IGLON5: variants seen among roughly 807,000 people sequenced by gnomAD.
The protein encoded by IGLON5 is Ig-like domain-containing protein ENSP00000270642.
In IGLON5, 16 loss-of-function variants were observed where a neutral mutation model predicts 38.2. That is an observed-to-expected ratio of 0.42 (90% CI 0.28 to 0.64). IGLON5 has a LOEUF of 0.64. Ranked by LOEUF, IGLON5 falls within the 30% of genes least tolerant of loss-of-function variation. IGLON5 has a pLI of 0.23. For synonymous variants in IGLON5, 207 were observed against 216.4 expected (o/e 0.96, Z 0.38); for missense variants, 366 against 483.4 (o/e 0.76, Z 2.28).
intron 1 of IGLON5, among the ~76,000 whole-genome samples, chr19:51,321,640 ATG>A (rs1474270882): frequency 6.6e-6 from 1 of 152,098 alleles, no homozygotes; most frequent in Non-Finnish European, 1.5e-5. Flanking sequence ...GTTTGTACAT[ATG>A]TCTCTGTATA....
chr19:51,313,864 G>A (rs1599821625), intron 1 of IGLON5, among the ~76,000 whole-genome samples: 1 of 151,892 alleles, frequency 6.6e-6, no homozygotes, highest in East Asian at 1.9e-4. Flanking sequence ...TGGGACCACA[G>A]ATGCACGCCA....
rs1429101892 is a variant in IGLON5 at position 51,323,652 on chromosome 19, C to T, written c.159-10C>T. 6 of 1,599,006 alleles carry T rather than the reference C, an allele frequency of 3.8e-6. No homozygotes were observed. The highest frequency in any genetic ancestry group is 5.1e-6 in the Non-Finnish European group (6 of 1,168,474). On this transcript the variant is annotated splice_polypyrimidine_tract_variant and intron_variant, in intron 2 of 7. Transcript: ENST00000270642. ...GTGGAGAAAAACCTTCCCACTCATT[C>T]TCCCTGCAGCTGCTTCATCGACGAG...
chr19:51,314,231 T>C (rs1984858143), intron 1 of IGLON5, among the ~76,000 whole-genome samples: 1 of 147,670 alleles, frequency 6.8e-6, no homozygotes, highest in Non-Finnish European at 1.5e-5. Flanking sequence ...GCTGCCAGGC[T>C]GGAGTGTAGT....
rs763452023 is a variant in IGLON5, at chr19:51,325,374, G to A, written c.420G>A (p.Ser140=). 45 of 1,613,746 alleles carry A rather than the reference G, an allele frequency of 2.8e-5. No homozygotes were observed. The highest frequency in any genetic ancestry group is 3.3e-4 in the Middle Eastern group (2 of 6,082). ...CTGCCCGCATTGTGAACATCTCGTC[G>A]CCTGTGACGGTGAATGAGGGGGGCA... ...HVPARIVNIS[S]PVTVNEGGNV... Residue 140 remains serine, a synonymous_variant, in exon 4 of 8, where the codon TCG becomes TCA. Transcript: ENST00000270642. This position sits in a 1 kb window ranked among gnomAD's most constrained non-coding sequence, Gnocchi z 5.5.
At position 51,325,313 on chromosome 19, in the gene IGLON5, G is replaced by A. The variant is rs766849978; in HGVS notation, c.392-33G>A. Reference sequence around the variant, plus strand: ...AAGGGCTGGGGGCCTGGATTCCTGGGCATCCATATTCAGCCTCTGCCGCTG... The same window carrying A: ...AAGGGCTGGGGGCCTGGATTCCTGGACATCCATATTCAGCCTCTGCCGCTG... On this transcript the variant is annotated intron_variant, in intron 3 of 7. Transcript: ENST00000270642. The surrounding 1 kb of genome is among the most constrained non-coding windows in gnomAD (Gnocchi z 5.5). 2 of 1,605,814 alleles carry A rather than the reference G, an allele frequency of 1.2e-6. No homozygotes were observed. Among genetic ancestry groups the A allele is most frequent in the Admixed American group, 1.7e-5 (1 of 58,594 alleles).
At chr19:51,319,259 C>T (rs1004684681) in intron 1 of IGLON5, among the ~76,000 whole-genome samples, 3 of 152,054 alleles carry the variant, frequency 2.0e-5, no homozygotes, top group Admixed American at 6.5e-5. Flanking sequence ...ACCCGTCGTT[C>T]GGTCCAGGTT....
chr19:51,316,798 C>G (rs1205796886), intron 1 of IGLON5, among the ~76,000 whole-genome samples: 1 of 152,100 alleles, frequency 6.6e-6, no homozygotes, highest in East Asian at 1.9e-4. Flanking sequence ...CCAGCCAACC[C>G]TCAGAACTCT....
chr19:51,315,409 G>C (rs1252191225), intron 1 of IGLON5, among the ~76,000 whole-genome samples: 1 of 152,166 alleles, frequency 6.6e-6, no homozygotes, highest in East Asian at 1.9e-4. Flanking sequence ...AAATGTTCTT[G>C]GGGACCAGGG....
intron 4 of IGLON5, 65 bp from the exon 5 acceptor site, chr19:51,326,688 TCCGTGTTGTGC>T (rs1473321915): frequency 1.9e-5 from 20 of 1,039,142 alleles, no homozygotes; most frequent in Non-Finnish European, 2.5e-5. Context: ...CTGATGTGTG[TCCGTGTTGTGC>T]CCGTGTTGTC....
Position 51,318,848 on chromosome 19 carries a change from G to C in IGLON5, c.80-3216G>C, listed in dbSNP as rs114172177. On this transcript the variant is annotated intron_variant, in intron 1 of 7. Coordinates refer to ENST00000270642, the MANE Select transcript of IGLON5 (RefSeq NM_001101372.3). Reference sequence around the variant, plus strand: ...AGCAGCTGAGTTCAGGAGCCCTGGAGCCCCTGAACCTTAGGGTAGGCACCT... The same window carrying C: ...AGCAGCTGAGTTCAGGAGCCCTGGACCCCCTGAACCTTAGGGTAGGCACCT... 5.8e-3 allele frequency among the ~76,000 whole-genome samples: 879 copies of C among 152,338 alleles called. 7 individuals carry two copies. Among genetic ancestry groups the C allele is most frequent in the African/African-American group, 0.02 (840 of 41,582 alleles).
Position 51,327,740 on chromosome 19 carries a change from G to A in IGLON5, c.776G>A (p.Ser259Asn). 1 of 1,573,930 alleles carries A rather than the reference G, an allele frequency of 6.4e-7. No homozygotes were observed. Among genetic ancestry groups the A allele is most frequent in the Non-Finnish European group, 8.6e-7 (1 of 1,163,112 alleles). The change falls in exon 7 of 8, where the codon AGC becomes AAC. Residue 259 changes from serine to asparagine, a missense_variant. Ser to Asn is a conservative substitution (Grantham distance 46). Coordinates refer to ENST00000270642, the MANE Select transcript of IGLON5 (RefSeq NM_001101372.3). This position sits in a 1 kb window ranked among gnomAD's most constrained non-coding sequence, Gnocchi z 7.1. Reference sequence around the variant, plus strand: ...ACCCGGATCCCTGGCAGGCTGAGCAGCGGCACGGCCGAAGGCCTGAAGGTG... The same window carrying A: ...ACCCGGATCCCTGGCAGGCTGAGCAACGGCACGGCCGAAGGCCTGAAGGTG... ...QWYKDDRLLS[S>N]GTAEGLKVQT...
intron 1 of IGLON5, among the ~76,000 whole-genome samples, chr19:51,314,337 C>A (rs1268114699): frequency 6.6e-6 from 1 of 152,142 alleles, no homozygotes; most frequent in African/African-American, 2.4e-5. Context: ...GTGTGTGCCA[C>A]CACGCTGGGC....
intron 4 of IGLON5, 22 bp from the exon 5 acceptor site, chr19:51,326,742 C>T: frequency 6.6e-7 from 1 of 1,518,728 alleles, no homozygotes; most frequent in South Asian, 1.2e-5. Flanking sequence ...GCCCCGCCCC[C>T]TCCTCCTCCT....
intron 1 of IGLON5, among the ~76,000 whole-genome samples, chr19:51,320,585 C>T (rs1441224774): frequency 2.0e-5 from 3 of 152,146 alleles, no homozygotes; most frequent in African/African-American, 4.8e-5. Context: ...CTGAAGTGTG[C>T]GAGTGGGCAT....
In IGLON5 at chr19:51,324,030, G is replaced by A; in HGVS notation, c.391+136G>A. ...AGACAGACACAGCCTTGCCCTTGGGGATTTCAGCCCAGCAGAAGGGGGCCA... is the reference window on the plus strand; with the variant it reads ...AGACAGACACAGCCTTGCCCTTGGGAATTTCAGCCCAGCAGAAGGGGGCCA... On this transcript the variant is annotated intron_variant, in intron 3 of 7. Coordinates refer to ENST00000270642, the MANE Select transcript of IGLON5 (RefSeq NM_001101372.3). The surrounding 1 kb of genome is among the most constrained non-coding windows in gnomAD (Gnocchi z 4.2). 1.6e-6 allele frequency: 1 copy of A among 641,076 alleles called. No homozygotes were observed. The highest frequency in any genetic ancestry group is 2.7e-6 in the Non-Finnish European group (1 of 374,320). The allele number at this position is 641,076 out of a possible 1,614,324, so 39.7% of individuals were successfully genotyped here.
At chr19:51,321,830 A>G (rs897883774) in intron 1 of IGLON5, among the ~76,000 whole-genome samples, 18 of 152,030 alleles carry the variant, frequency 1.2e-4, no homozygotes, top group African/African-American at 4.3e-4. Flanking sequence ...GTCTGCTGTG[A>G]TTGTGTCTGC....
At chr19:51,316,099 A>C (rs1399004471) in intron 1 of IGLON5, among the ~76,000 whole-genome samples, 1 of 151,476 alleles carries the variant, frequency 6.6e-6, no homozygotes, top group African/African-American at 2.4e-5. Context: ...TAATCCCAGC[A>C]CTTCAGGAAG....
intron 2 of IGLON5, among the ~76,000 whole-genome samples, chr19:51,322,573 CCTCTCT>C (rs372781205): frequency 5.2e-5 from 7 of 133,336 alleles, no homozygotes; most frequent in Admixed American, 1.5e-4. Context: ...TCTCTCCACG[CCTCTCT>C]CTCTCTCTCT....
chr19:51,321,969 G>A (rs1985070567), intron 1 of IGLON5, 95 bp from the exon 2 acceptor site: 1 of 1,019,340 alleles, frequency 9.8e-7, no homozygotes, highest in Non-Finnish European at 1.5e-6. Flanking sequence ...AGACGTCTGT[G>A]TCCACAAGGA....
Sources: gnomAD v4.1 joint callset for allele counts (sites outside exome capture counted in the v4.1 genomes callset) on GRCh38, gnomAD v4.1.1 for gene constraint, Gnocchi (gnomAD v3.1) non-coding constraint, MANE v1.5 for transcripts, NCBI Gene and HGNC (gene_info 2026-07-23, HGNC 2026-07-21) for gene names.